UBAP2: variants seen among roughly 807,000 people sequenced by gnomAD.
UBAP2 encodes ubiquitin-associated protein 2.
A neutral mutation model predicts 139.6 loss-of-function variants in UBAP2; 75 were observed. The ratio of observed to expected loss-of-function variants is 0.54; its 90% confidence interval spans 0.45 to 0.65. UBAP2 has a LOEUF of 0.65. Among genes scored for constraint, UBAP2 ranks in the 30% least tolerant of loss-of-function variants. UBAP2 has a pLI of 0.00. For missense variants in UBAP2, 1,368 were observed against 1,369.6 expected (o/e 1.00, Z 0.02); for synonymous variants, 526 against 526.2 (o/e 1.00, Z 0.01).
intron 1 of UBAP2, among the ~76,000 whole-genome samples, chr9:34,020,911 C>T (rs1824887274): frequency 6.6e-6 from 1 of 152,110 alleles, no homozygotes; most frequent in African/African-American, 2.4e-5. Flanking sequence ...ATCCACCCGC[C>T]TCGGCCTCCC....
At chr9:33,955,355 C>G (rs1331657716) in intron 11 of UBAP2, among the ~76,000 whole-genome samples, 2 of 151,886 alleles carry the variant, frequency 1.3e-5, no homozygotes, top group Non-Finnish European at 1.5e-5. Context: ...CCCGTCTCCA[C>G]TAAAAATACA....
At position 33,921,756 on chromosome 9, in the gene UBAP2, C is replaced by T. The variant is rs1261491353; in HGVS notation, c.*748G>A. On this transcript the variant is annotated 3_prime_UTR_variant, in exon 29 of 29. Coordinates refer to ENST00000379238, the MANE Select transcript of UBAP2 (RefSeq NM_001370062.2). The stretch of plus-strand genomic sequence containing the variant: ...AGAAAACCCCTGAAACAGTTGCCCA[C>T]GTGGTTCAAGACAACTAGAATGGAG... 1.3e-5 allele frequency: 2 copies of T among 152,520 alleles called. No individual in the cohort carries two copies. The highest frequency in any genetic ancestry group is 2.1e-4 in the South Asian group (1 of 4,830). 9.4% of individuals were successfully genotyped at this position (152,520 alleles called of 1,614,324 possible). A position where few individuals can be genotyped will look rare whatever the true frequency, so the allele number is the denominator to read the frequency against.
intron 19 of UBAP2, among the ~76,000 whole-genome samples, chr9:33,930,602 A>C (rs1177287003): frequency 2.0e-5 from 3 of 152,108 alleles, no homozygotes; most frequent in Non-Finnish European, 1.5e-5. Flanking sequence ...AAAAGAATAA[A>C]AAGGGCAGAT....
chr9:34,030,262 G>A (rs564432360), intron 1 of UBAP2, among the ~76,000 whole-genome samples: 6 of 152,040 alleles, frequency 3.9e-5, no homozygotes, highest in South Asian at 2.1e-4. Context: ...TGGCTAACAC[G>A]GTGATACCCC....
chr9:33,982,258 G>A (rs1266771432), intron 6 of UBAP2, among the ~76,000 whole-genome samples: 3 of 152,010 alleles, frequency 2.0e-5, no homozygotes, highest in Non-Finnish European at 2.9e-5. Flanking sequence ...CAAATCCTTT[G>A]CAAAAATCCT....
chr9:33,969,541 G>C (rs989585780), intron 8 of UBAP2, among the ~76,000 whole-genome samples: 9 of 136,616 alleles, frequency 6.6e-5, no homozygotes, highest in African/African-American at 2.1e-4. Flanking sequence ...AGAGTGAGAT[G>C]CTCTCTCTTT....
chr9:33,955,985 TAGA>T, intron 11 of UBAP2, 91 bp downstream of exon 11: 1 of 974,416 alleles, frequency 1.0e-6, no homozygotes, highest in South Asian at 1.6e-5. Context: ...AGGGAAAAAA[TAGA>T]AAGAGACCCA....
intron 1 of UBAP2, among the ~76,000 whole-genome samples, chr9:34,027,169 A>T (rs1825468150): frequency 8.0e-5 from 1 of 12,458 alleles, no homozygotes; most frequent in African/African-American, 1.3e-4. Flanking sequence ...CCTGCAGAAG[A>T]CAAAGCTCAG....
At chr9:33,981,590 G>T (rs975030381) in intron 6 of UBAP2, among the ~76,000 whole-genome samples, 2 of 151,424 alleles carry the variant, frequency 1.3e-5, no homozygotes, top group Admixed American at 1.3e-4. Context: ...CTGAGCTCAA[G>T]TGATCCTCTC....
At chr9:33,990,900 G>A (rs977236265) in intron 4 of UBAP2, among the ~76,000 whole-genome samples, 2 of 152,118 alleles carry the variant, frequency 1.3e-5, no homozygotes, top group Non-Finnish European at 2.9e-5. Flanking sequence ...GCCTCCCAAA[G>A]TACTGGTATT....
At position 34,007,650 on chromosome 9, in the gene UBAP2, T is replaced by G. The variant is rs76383744; in HGVS notation, c.100-8786A>C. 1.3e-3 allele frequency among the ~76,000 whole-genome samples: 196 copies of G among 151,622 alleles called. 1 individual carries two copies. In the East Asian group the frequency reaches 0.031, roughly 24 times the overall value. On this transcript the variant is annotated intron_variant, in intron 2 of 28. Transcript: ENST00000379238. ...TTGTCCTTGTATGTTTTATTTTTATTTTTTTTGAGACTGAGTCTCGCTCTG... is the reference window on the plus strand; with the variant it reads ...TTGTCCTTGTATGTTTTATTTTTATGTTTTTTGAGACTGAGTCTCGCTCTG...
In UBAP2 at chr9:33,923,876, T is replaced by TGTG; in HGVS notation, c.2714_2715insCAC (p.Ala905_Leu906insThr). On this transcript the variant is annotated inframe_insertion, in exon 24 of 29. Coordinates refer to ENST00000379238, the MANE Select transcript of UBAP2 (RefSeq NM_001370062.2). ...CAGTGTAGCTATAGCCAGGTGGCAG[T>TGTG]GCAGGATTCACGAAGGGCTGCTGGG... The TGTG allele has an allele frequency of 3.7e-6, 6 of 1,614,196 alleles. No homozygotes were observed. Among genetic ancestry groups the TGTG allele is most frequent in the Non-Finnish European group, 5.1e-6 (6 of 1,180,020 alleles).
chr9:33,993,829 C>T (rs955436832), intron 4 of UBAP2, among the ~76,000 whole-genome samples: 2 of 152,024 alleles, frequency 1.3e-5, no homozygotes, highest in African/African-American at 2.4e-5. Flanking sequence ...CAGATATAGC[C>T]CACACTATAA....
At chr9:34,035,514 A>AAAATATATATAT in intron 1 of UBAP2, among the ~76,000 whole-genome samples, 736 of 22,518 alleles carry the variant, frequency 0.033, 85 homozygotes, top group Admixed American at 0.068. Flanking sequence ...AAAAAAAAAA[A>AAAATATATATAT]ATATATATAT....
Position 34,039,388 on chromosome 9 carries a change from G to A in UBAP2, c.-42+9437C>T, listed in dbSNP as rs1032145565. Among the ~76,000 whole-genome samples, 95 of 152,296 alleles carry A rather than the reference G, an allele frequency of 6.2e-4. 1 individual carries two copies. The highest frequency in any genetic ancestry group is 2.0e-3 in the African/African-American group (82 of 41,582). On this transcript the variant is annotated intron_variant, in intron 1 of 28. Coordinates refer to ENST00000379238, the MANE Select transcript of UBAP2 (RefSeq NM_001370062.2). Reference sequence around the variant, plus strand: ...CTCATTGAGAACGGGCCATGATGACGATGGCGGTTTTGTCGAATAGAAAAG... The same window carrying A: ...CTCATTGAGAACGGGCCATGATGACAATGGCGGTTTTGTCGAATAGAAAAG...
intron 16 of UBAP2, among the ~76,000 whole-genome samples, chr9:33,936,289 A>C (rs1824507222): frequency 6.6e-6 from 1 of 151,230 alleles, no homozygotes; most frequent in African/African-American, 2.4e-5. Context: ...GACCCAAATA[A>C]TTTTTTTTTA....
At chr9:34,015,916 G>C (rs1824209721) in intron 2 of UBAP2, among the ~76,000 whole-genome samples, 2 of 151,720 alleles carry the variant, frequency 1.3e-5, no homozygotes, top group South Asian at 4.2e-4. Flanking sequence ...CAACCCTTTT[G>C]CCTCAGCCTC....
chr9:34,008,318 CA>C (rs35956096), intron 2 of UBAP2, among the ~76,000 whole-genome samples: 44,938 of 112,862 alleles, frequency 0.4, 7,049 homozygotes, highest in Middle Eastern at 0.49. Context: ...AACTCCGTCT[CA>C]AAAAAAAAAA....
In UBAP2 at chr9:33,941,071, A is replaced by C. The variant is rs963707954; in HGVS notation, c.1929+578T>G. Among the ~76,000 whole-genome samples the C allele has an allele frequency of 9.0e-4, 137 of 152,152 alleles. 6 individuals are homozygous for C. The highest frequency in any genetic ancestry group is 9.0e-3 in the Admixed American group (137 of 15,270). The stretch of plus-strand genomic sequence containing the variant: ...AAATGTGTATACTTGTTCTTTTTTA[A>C]GTTTCTTTCTAAGATTCTCAGGAGA... On this transcript the variant is annotated intron_variant, in intron 16 of 28. Transcript: ENST00000379238.
Sources: allele counts gnomAD v4.1 joint callset (sites outside exome capture counted in the v4.1 genomes callset), GRCh38; gene constraint gnomAD v4.1.1; transcripts MANE v1.5; gene names NCBI Gene and HGNC (gene_info 2026-07-23, HGNC 2026-07-21).